The following TEX36 variants were observed in gnomAD, a reference collection of about 807,000 sequenced individuals.
The protein encoded by TEX36 is testis-expressed protein 36.
Under a neutral mutation model 13.6 loss-of-function variants are expected in TEX36, and 12 were observed. The ratio of observed to expected loss-of-function variants is 0.88; its 90% CI spans 0.56 to 1.43. TEX36 has a LOEUF of 1.43. Among genes scored for constraint, TEX36 ranks in the 40% most tolerant of loss-of-function variants. The pLI is 0.00. For missense variants in TEX36, 224 were observed against 228.3 expected (o/e 0.98, Z 0.12); for synonymous variants, 93 against 83.0 (o/e 1.12, Z -0.65).
At chr10:125,588,524 G>A (rs997160330) in intron 3 of TEX36, among the ~76,000 whole-genome samples, 20 of 152,218 alleles carry the variant, frequency 1.3e-4, no homozygotes, top group Admixed American at 6.5e-5. Context: ...AAAGGTGAAA[G>A]GGGAAGCAAT....
intron 3 of TEX36, among the ~76,000 whole-genome samples, chr10:125,599,099 T>G (rs1846114500): frequency 6.6e-6 from 1 of 152,220 alleles, no homozygotes; most frequent in South Asian, 2.1e-4. Context: ...TGGATTTTTC[T>G]TCTTAAAATA....
chr10:125,680,741 T>C (rs751356576), intron 1 of TEX36, among the ~76,000 whole-genome samples: 10 of 152,234 alleles, frequency 6.6e-5, no homozygotes, highest in Admixed American at 2.0e-4. Flanking sequence ...TGATCAGCAC[T>C]ATTCTTTTTA....
chr10:125,666,488 G>A (rs1311592067), intron 1 of TEX36, among the ~76,000 whole-genome samples: 2 of 152,124 alleles, frequency 1.3e-5, no homozygotes, highest in African/African-American at 4.8e-5. Context: ...TTGTTGGTGT[G>A]ATGTGTCATG....
chr10:125,650,204 G>A (rs1244952261), intron 3 of TEX36, among the ~76,000 whole-genome samples: 1 of 152,172 alleles, frequency 6.6e-6, no homozygotes, highest in Non-Finnish European at 1.5e-5. Flanking sequence ...ATTCTTCTCA[G>A]CACCACATAA....
At chr10:125,646,863 C>T (rs1589770938) in intron 3 of TEX36, among the ~76,000 whole-genome samples, 1 of 152,214 alleles carries the variant, frequency 6.6e-6, no homozygotes, top group East Asian at 1.9e-4. Flanking sequence ...CACCCGAAAA[C>T]AGCCCCAGGT....
At chr10:125,610,619 C>A (rs556397548) in intron 3 of TEX36, among the ~76,000 whole-genome samples, 13 of 152,014 alleles carry the variant, frequency 8.6e-5, no homozygotes, top group East Asian at 5.8e-4. Flanking sequence ...CAATTTGTAG[C>A]AACTTTTGCA....
Position 125,590,448 on chromosome 10 carries a change from G to A in TEX36, c.265-13574C>T, listed in dbSNP as rs536294394. ...TCTTTTATTTTAAAAAAAGGTGGGG[G>A]GCAGCTAATAATAGTACTATCTTCA... On this transcript the variant is annotated intron_variant, in intron 3 of 3. Transcript: ENST00000532135. Among the ~76,000 whole-genome samples, 3 of 152,072 alleles carry A rather than the reference G, an allele frequency of 2.0e-5. No individual in the cohort carries two copies. In the South Asian group the frequency reaches 6.2e-4, roughly 32 times the overall value.
At chr10:125,579,455 C>A (rs1315853708) in intron 3 of TEX36, among the ~76,000 whole-genome samples, 2 of 152,166 alleles carry the variant, frequency 1.3e-5, no homozygotes, top group African/African-American at 4.8e-5. Context: ...AGCCCCTCAC[C>A]CAACACGTGG....
chr10:125,628,381 G>T (rs1846512355), intron 3 of TEX36, among the ~76,000 whole-genome samples: 1 of 152,314 alleles, frequency 6.6e-6, no homozygotes, highest in Admixed American at 6.5e-5. Flanking sequence ...CTCTGGTGTG[G>T]GTTTGTGGCT....
In TEX36 at chr10:125,629,840, G is replaced by T. The variant is rs568391194; in HGVS notation, c.265-8195C>A. On this transcript the variant is annotated intron_variant, in intron 3 of 3. Transcript: ENST00000526819. ...AGTCACTGTGAGAGACTAGGGTTAG[G>T]TCCGCAAGGCCCTATTCCAGTAAGT... is the stretch of plus-strand genomic sequence containing the variant. 2.0e-5 allele frequency among the ~76,000 whole-genome samples: 3 copies of T among 152,148 alleles called. No individual in the cohort carries two copies. The East Asian group carries it at 5.8e-4, about 29-fold the overall frequency.
At chr10:125,623,611 C>T (rs1846452190) in intron 3 of TEX36, among the ~76,000 whole-genome samples, 1 of 151,684 alleles carries the variant, frequency 6.6e-6, no homozygotes. Flanking sequence ...CCTGTTAGTC[C>T]CTGATCAACC....
chr10:125,614,916 A>G (rs1286751631), intron 3 of TEX36, among the ~76,000 whole-genome samples: 1 of 152,232 alleles, frequency 6.6e-6, no homozygotes, highest in South Asian at 2.1e-4. Flanking sequence ...ACCCATGAGC[A>G]TGGAATGTTC....
chr10:125,671,255 C>T (rs969235158), intron 1 of TEX36, among the ~76,000 whole-genome samples: 1 of 152,130 alleles, frequency 6.6e-6, no homozygotes. Flanking sequence ...TCCAGTATGA[C>T]ATTCACTGTG....
At chr10:125,599,342 GT>G (rs1846118481) in intron 3 of TEX36, among the ~76,000 whole-genome samples, 1 of 152,210 alleles carries the variant, frequency 6.6e-6, no homozygotes, top group Non-Finnish European at 1.5e-5. Flanking sequence ...GCTGACACCA[GT>G]GCCAGGCCAC....
intron 1 of TEX36, among the ~76,000 whole-genome samples, chr10:125,666,306 T>TTGGAG (rs1847120677): frequency 6.6e-6 from 1 of 152,228 alleles, no homozygotes; most frequent in Non-Finnish European, 1.5e-5. Context: ...TCAACTTTAC[T>TTGGAG]CCATTCAGTA....
chr10:125,610,857 T>C (rs1846280378), intron 3 of TEX36, among the ~76,000 whole-genome samples: 1 of 152,216 alleles, frequency 6.6e-6, no homozygotes, highest in South Asian at 2.1e-4. Context: ...GCTATAATGC[T>C]CTCATTTTAT....
rs1031116856 is a variant in TEX36 at position 125,614,304 on chromosome 10, T to C, written c.265-37430A>G. 3.4e-3 allele frequency among the ~76,000 whole-genome samples: 515 copies of C among 152,350 alleles called. 4 individuals are homozygous for C. Among genetic ancestry groups the C allele is most frequent in the African/African-American group, 0.012 (486 of 41,566 alleles). ...AGCTTAATTAGATCCCATTTGTCAA[T>C]TTTGGCTTTTGTTGCCATTGCTTTT... is the stretch of plus-strand genomic sequence containing the variant. On this transcript the variant is annotated intron_variant, in intron 3 of 3. Transcript: ENST00000532135.
At chr10:125,666,087 G>GT (rs888565994) in intron 1 of TEX36, among the ~76,000 whole-genome samples, 7 of 151,744 alleles carry the variant, frequency 4.6e-5, no homozygotes, top group Admixed American at 1.3e-4. Context: ...TCTAAGTGGG[G>GT]TTTTTTTTGG....
chr10:125,662,345 C>G (rs973935690), intron 1 of TEX36, among the ~76,000 whole-genome samples: 1 of 152,218 alleles, frequency 6.6e-6, no homozygotes, highest in East Asian at 1.9e-4. Context: ...TACTGAGGAC[C>G]TTGGAGCCAA....
Sources: allele counts gnomAD v4.1 joint callset (sites outside exome capture counted in the v4.1 genomes callset), GRCh38; gene constraint gnomAD v4.1.1; transcripts MANE v1.5; gene names NCBI Gene and HGNC (gene_info 2026-07-23, HGNC 2026-07-21).